The following RIMBP2 variants were observed in gnomAD, a reference collection of about 807,000 sequenced individuals.
RIMBP2 encodes the protein RIMS-binding protein 2.
A neutral mutation model predicts 118.6 loss-of-function variants in RIMBP2; 48 were observed. The ratio of observed to expected loss-of-function variants is 0.40; its 90% CI spans 0.32 to 0.51. RIMBP2 has a LOEUF of 0.51. RIMBP2 is among the 20% of genes least tolerant of loss of function. The pLI is 0.41. For synonymous variants in RIMBP2, 762 were observed against 742.9 expected, an observed-to-expected ratio of 1.03 and a Z score of -0.42; for missense variants, 1,551 against 1,768.3, an observed-to-expected ratio of 0.88 and a Z score of 2.20.
intron 1 of RIMBP2, among the ~76,000 whole-genome samples, chr12:130,707,347 C>T (rs1949570105): frequency 6.6e-6 from 1 of 152,150 alleles, no homozygotes; most frequent in Admixed American, 6.5e-5. Context: ...CCCCCACGCC[C>T]AGGAGTCCTC....
chr12:130,504,057 G>T (rs774184249), intron 4 of RIMBP2, among the ~76,000 whole-genome samples: 29 of 152,146 alleles, frequency 1.9e-4, no homozygotes, highest in Non-Finnish European at 3.1e-4. Context: ...AGGGGGGGGT[G>T]TCTAGTCAGT....
intron 2 of RIMBP2, among the ~76,000 whole-genome samples, chr12:130,532,551 T>G (rs999158452): frequency 4.7e-5 from 7 of 148,522 alleles, no homozygotes; most frequent in Non-Finnish European, 7.4e-5. Context: ...GTGTAGCCTC[T>G]AGGAGTTACG....
intron 1 of RIMBP2, among the ~76,000 whole-genome samples, chr12:130,679,320 C>T (rs1000910441): frequency 6.6e-6 from 1 of 152,220 alleles, no homozygotes; most frequent in African/African-American, 2.4e-5. Context: ...CCAAAAGTCA[C>T]TGGCCCCATG....
chr12:130,579,430 G>T (rs142102817), intron 2 of RIMBP2, among the ~76,000 whole-genome samples: 1 of 152,206 alleles, frequency 6.6e-6, no homozygotes, highest in South Asian at 2.1e-4. Flanking sequence ...GTCACAACTC[G>T]TTAGGCACGT....
chr12:130,591,963 C>T (rs1479069969), intron 2 of RIMBP2, among the ~76,000 whole-genome samples: 2 of 152,196 alleles, frequency 1.3e-5, no homozygotes, highest in Non-Finnish European at 2.9e-5. Context: ...AGCCGAGCCA[C>T]GTCCCAGGCC....
At position 130,469,632 on chromosome 12, in the gene RIMBP2, T is replaced by C. The variant is rs1263419709; in HGVS notation, c.153+1061A>G. ...GAGGCTTTCAGAAAATCCATTTTAA[T>C]ATATAGGATGATAATGATGAAACCT... On this transcript the variant is annotated intron_variant, in intron 6 of 22. Coordinates refer to ENST00000690449, the MANE Select transcript of RIMBP2 (RefSeq NM_001393629.1). This position sits in a 1 kb window ranked among gnomAD's most constrained non-coding sequence, Gnocchi z 4.8. 3.3e-5 allele frequency among the ~76,000 whole-genome samples: 5 copies of C among 152,198 alleles called. No homozygotes were observed. The highest frequency in any genetic ancestry group is 7.3e-5 in the Non-Finnish European group (5 of 68,032).
At chr12:130,659,049 TC>T (rs1163653798) in intron 1 of RIMBP2, among the ~76,000 whole-genome samples, 1 of 124,406 alleles carries the variant, frequency 8.0e-6, no homozygotes, top group Non-Finnish European at 1.9e-5. Context: ...CCGTAAATCA[TC>T]TTCATCCCCC....
At chr12:130,407,855 A>T in intron 19 of RIMBP2, 26 bp from the exon 20 acceptor site, 6 of 1,590,504 alleles carry the variant, frequency 3.8e-6, no homozygotes, top group South Asian at 1.1e-5. Context: ...GGGGGAAAGA[A>T]ATCCATCATG....
intron 7 of RIMBP2, among the ~76,000 whole-genome samples, chr12:130,453,238 T>C (rs1319704878): frequency 6.6e-6 from 1 of 152,216 alleles, no homozygotes; most frequent in Admixed American, 6.5e-5. Flanking sequence ...CCTCACATAC[T>C]GACTGCAGCG....
At chr12:130,546,027 C>T (rs2055109504) in intron 2 of RIMBP2, among the ~76,000 whole-genome samples, 1 of 150,888 alleles carries the variant, frequency 6.6e-6, no homozygotes, top group African/African-American at 2.4e-5. Context: ...TTTAGCGTGA[C>T]ATATGCCCCT....
At chr12:130,564,689 G>T (rs34247475) in intron 2 of RIMBP2, among the ~76,000 whole-genome samples, 29,366 of 151,960 alleles carry the variant, frequency 0.19, 2,924 homozygotes, top group East Asian at 0.37. Context: ...TTTTATATAA[G>T]GCCTCTAAAC....
chr12:130,643,891 G>A (rs968097454), intron 1 of RIMBP2, among the ~76,000 whole-genome samples: 17 of 152,142 alleles, frequency 1.1e-4, no homozygotes, highest in Admixed American at 3.9e-4. Context: ...GAGGGGCAGC[G>A]ATTTTAGACA....
intron 1 of RIMBP2, among the ~76,000 whole-genome samples, chr12:130,641,507 G>GCTT (rs2062622360): frequency 1.3e-5 from 2 of 151,000 alleles, no homozygotes; most frequent in Non-Finnish European, 3.0e-5. Flanking sequence ...ACTCGGCCCG[G>GCTT]CATCACGGGC....
rs1200292901 is a variant in RIMBP2 at position 130,646,092 on chromosome 12, TCTC to T, written c.-351-17639_-351-17637del. Among the ~76,000 whole-genome samples, 26 of 116,132 alleles carry T rather than the reference TCTC, an allele frequency of 2.2e-4. 2 individuals are homozygous for T. The highest frequency in any genetic ancestry group is 9.4e-4 in the East Asian group (4 of 4,246). 76.2% of individuals were successfully genotyped at this position (116,132 alleles called of 152,430 possible). On this transcript the variant is annotated intron_variant, in intron 1 of 22. Coordinates refer to ENST00000690449, the MANE Select transcript of RIMBP2 (RefSeq NM_001393629.1). ...CTCTCCACCTCCCTCACCACTTCCC[TCTC>T]CACCTCCCTCTCCACCTCCCTCACC...
At position 130,619,672 on chromosome 12, in the gene RIMBP2, C is replaced by T. The variant is rs147024476; in HGVS notation, c.-217+8650G>A. Among the ~76,000 whole-genome samples the T allele has an allele frequency of 4.8e-3, 727 of 152,270 alleles. 8 individuals carry two copies. Among genetic ancestry groups the T allele is most frequent in the African/African-American group, 0.017 (686 of 41,552 alleles). On this transcript the variant is annotated intron_variant, in intron 2 of 22. Coordinates refer to ENST00000690449, the MANE Select transcript of RIMBP2 (RefSeq NM_001393629.1). Reference sequence around the variant, plus strand: ...TAGCCACGGTGTGTCGTCAAGGGGACCGCACAGACACCATGGCCCCAGGTT... The same window carrying T: ...TAGCCACGGTGTGTCGTCAAGGGGATCGCACAGACACCATGGCCCCAGGTT...
chr12:130,427,768 A>G (rs2076888445), intron 15 of RIMBP2: 1 of 155,164 alleles, frequency 6.4e-6, no homozygotes, highest in African/African-American at 2.4e-5. Context: ...CCCTCCTTTA[A>G]GGAGCTCCCT....
intron 1 of RIMBP2, among the ~76,000 whole-genome samples, chr12:130,655,223 A>T (rs890530915): frequency 8.5e-5 from 13 of 152,328 alleles, no homozygotes; most frequent in Middle Eastern, 6.8e-3. Context: ...TCCAGCGTGT[A>T]ACATCGCCCC....
At chr12:130,436,750 G>A (rs1222150001) in intron 13 of RIMBP2, 92 bp downstream of exon 13, 20 of 1,075,956 alleles carry the variant, frequency 1.9e-5, no homozygotes, top group Middle Eastern at 3.3e-4. Context: ...GCTGGGATGC[G>A]GGTCCCCCTC....
rs531097432 is a variant in RIMBP2, at chr12:130,538,535, C to G, written c.-216-20618G>C. On this transcript the variant is annotated intron_variant, in intron 2 of 22. Transcript: ENST00000690449. ...CCACCTATGCATACAAATGGCCCTGCATTTACATTAATTCACACCGTCAAG... is the reference window on the plus strand; with the variant it reads ...CCACCTATGCATACAAATGGCCCTGGATTTACATTAATTCACACCGTCAAG... 3.9e-5 allele frequency among the ~76,000 whole-genome samples: 6 copies of G among 152,314 alleles called. No individual in the cohort carries two copies. The South Asian group carries it at 1.2e-3, about 32-fold the overall frequency.
Sources: allele counts gnomAD v4.1 joint callset (sites outside exome capture counted in the v4.1 genomes callset), GRCh38; gene constraint gnomAD v4.1.1; non-coding constraint Gnocchi (gnomAD v3.1); transcripts MANE v1.5; gene names NCBI Gene and HGNC (gene_info 2026-07-23, HGNC 2026-07-21).